The following SCHIP1 variants were observed in gnomAD, a reference collection of about 807,000 sequenced individuals.
SCHIP1 encodes schwannomin-interacting protein 1.
Under a neutral mutation model 29.7 loss-of-function variants are expected in SCHIP1, and 8 were observed. The observed-to-expected ratio is 0.27, with a 90% CI of 0.16 to 0.49. The LOEUF (loss-of-function observed/expected upper bound fraction) is 0.49, where lower values mean the gene tolerates loss of function less well. Ranked by LOEUF, SCHIP1 falls within the 20% of genes least tolerant of loss-of-function variation. The pLI is 0.99. For missense variants in SCHIP1, 193 were observed against 294.6 expected (o/e 0.66, Z 2.52); for synonymous variants, 76 against 94.9 (o/e 0.80, Z 1.16).
chr3:159,790,640 T>G, the SCHIP1 span, among the ~76,000 whole-genome samples: 3 of 152,270 alleles, frequency 2.0e-5, no homozygotes, highest in South Asian at 2.1e-4. Flanking sequence ...GAGCCGAGAT[T>G]GAGCCCCTGC....
chr3:159,361,693 T>A, the SCHIP1 span, among the ~76,000 whole-genome samples: 6 of 152,132 alleles, frequency 3.9e-5, no homozygotes, highest in African/African-American at 7.2e-5. Context: ...GAGACCAGGG[T>A]GGTACAGACC....
intron 1 of SCHIP1, among the ~76,000 whole-genome samples, chr3:159,855,742 C>G (rs1713273898): frequency 6.6e-6 from 1 of 152,070 alleles, no homozygotes; most frequent in Non-Finnish European, 1.5e-5. Flanking sequence ...TGATACATCC[C>G]TGCTTAGGTA....
the SCHIP1 span, among the ~76,000 whole-genome samples, chr3:159,369,017 A>T: frequency 6.6e-6 from 1 of 152,196 alleles, no homozygotes; most frequent in African/African-American, 2.4e-5. Context: ...CTTTTGGACA[A>T]GCAATGTAAG....
chr3:159,895,774 G>A (rs1459788899), intron 6 of SCHIP1, among the ~76,000 whole-genome samples: 4 of 152,030 alleles, frequency 2.6e-5, no homozygotes, highest in African/African-American at 9.7e-5. Flanking sequence ...TGGCTCACTG[G>A]AACCTCCACC....
the SCHIP1 span, among the ~76,000 whole-genome samples, chr3:159,599,074 A>G: frequency 1.3e-5 from 2 of 152,056 alleles, no homozygotes; most frequent in Non-Finnish European, 2.9e-5. Context: ...ATCTTATCCT[A>G]TTCCTTTACT....
At chr3:159,526,949 G>T in the SCHIP1 span, among the ~76,000 whole-genome samples, 15 of 152,302 alleles carry the variant, frequency 9.8e-5, no homozygotes, top group South Asian at 2.1e-4. Context: ...GGAACAAAAG[G>T]TCGCTTTTCC....
chr3:159,411,027 A>C, the SCHIP1 span, among the ~76,000 whole-genome samples: 1 of 152,164 alleles, frequency 6.6e-6, no homozygotes, highest in African/African-American at 2.4e-5. Context: ...CCGGGCACTG[A>C]AATACAAACT....
the SCHIP1 span, among the ~76,000 whole-genome samples, chr3:159,691,831 A>C: frequency 6.6e-6 from 1 of 152,004 alleles, no homozygotes; most frequent in Non-Finnish European, 1.5e-5. Flanking sequence ...CTTGTCTGGA[A>C]ATGATTTTAT....
chr3:159,284,575 G>A, the SCHIP1 span, among the ~76,000 whole-genome samples: 1 of 152,078 alleles, frequency 6.6e-6, no homozygotes, highest in Non-Finnish European at 1.5e-5. Context: ...GGCAACCTCT[G>A]CTTCCCGGGT....
At chr3:159,807,942 C>T in the SCHIP1 span, among the ~76,000 whole-genome samples, 1 of 152,174 alleles carries the variant, frequency 6.6e-6, no homozygotes, top group Non-Finnish European at 1.5e-5. Context: ...CATAGCTAAA[C>T]AGTGTGGCCA....
chr3:159,631,521 A>G, the SCHIP1 span, among the ~76,000 whole-genome samples: 1 of 152,192 alleles, frequency 6.6e-6, no homozygotes, highest in Admixed American at 6.5e-5. Flanking sequence ...GACACACGCT[A>G]CCCTGTCAAT....
At chr3:159,397,303 A>C in the SCHIP1 span, among the ~76,000 whole-genome samples, 2 of 152,086 alleles carry the variant, frequency 1.3e-5, no homozygotes, top group African/African-American at 4.8e-5. Flanking sequence ...GATCGTCTGA[A>C]GCCTTCTTCT....
At chr3:159,642,699 C>T in the SCHIP1 span, among the ~76,000 whole-genome samples, 1 of 152,004 alleles carries the variant, frequency 6.6e-6, no homozygotes, top group African/African-American at 2.4e-5. Flanking sequence ...TATTGGGGGA[C>T]ACAGGGACAG....
the SCHIP1 span, among the ~76,000 whole-genome samples, chr3:159,813,744 T>C: frequency 6.6e-6 from 1 of 152,148 alleles, no homozygotes; most frequent in Non-Finnish European, 1.5e-5. Flanking sequence ...AATCTCTTAC[T>C]CTTTCCTCTA....
chr3:159,891,978 T>C (rs1044065646), intron 5 of SCHIP1, 119 bp from the exon 7 acceptor site: 3 of 1,175,882 alleles, frequency 2.6e-6, no homozygotes, highest in Non-Finnish European at 3.5e-6. Context: ...TCTAACCTTT[T>C]ACAAAAATAT....
At chr3:159,408,126 G>A in the SCHIP1 span, among the ~76,000 whole-genome samples, 24 of 151,992 alleles carry the variant, frequency 1.6e-4, 1 homozygote, top group Middle Eastern at 0.031. Flanking sequence ...GTGAAACCAC[G>A]TCTCTACTAA....
chr3:159,381,122 G>A, the SCHIP1 span, among the ~76,000 whole-genome samples: 1 of 152,064 alleles, frequency 6.6e-6, no homozygotes, highest in Non-Finnish European at 1.5e-5. Flanking sequence ...ATCATTTAGG[G>A]CAGTTTATTT....
the SCHIP1 span, among the ~76,000 whole-genome samples, chr3:159,403,608 A>G: frequency 6.6e-6 from 1 of 152,186 alleles, no homozygotes; most frequent in Non-Finnish European, 1.5e-5. Flanking sequence ...GCCAGACCTA[A>G]TCAAGGGGAA....
chr3:159,516,999 G>A, the SCHIP1 span, among the ~76,000 whole-genome samples: 3 of 152,110 alleles, frequency 2.0e-5, no homozygotes, highest in Admixed American at 1.3e-4. Flanking sequence ...TGAGCTTTAC[G>A]AATATGTAAT....
Sources: allele counts gnomAD v4.1 joint callset (sites outside exome capture counted in the v4.1 genomes callset), GRCh38; gene constraint gnomAD v4.1.1; transcripts MANE v1.5; gene names NCBI Gene and HGNC (gene_info 2026-07-23, HGNC 2026-07-21).